Variants in RALY observed in about 807,000 individuals in gnomAD.
RALY encodes the protein RALY heterogeneous nuclear ribonucleoprotein.
Under a neutral mutation model 30.7 loss-of-function variants are expected in RALY, and 15 were observed. The observed-to-expected ratio is 0.49, with a 90% confidence interval of 0.33 to 0.75. RALY has a LOEUF of 0.75. Ranked by LOEUF, RALY falls within the 30% of genes least tolerant of loss-of-function variation. RALY has a pLI of 0.02. For missense variants in RALY, 339 were observed against 414.3 expected, an observed-to-expected ratio of 0.82 and a Z score of 1.58; for synonymous variants, 177 against 170.8, an observed-to-expected ratio of 1.04 and a Z score of -0.28.
chr20:34,077,546 C>T lies in RALY; in HGVS notation c.876+301C>T, dbSNP rs1003863529. 2.2e-4 allele frequency: 111 copies of T among 503,736 alleles called. 1 individual carries two copies. The highest frequency in any genetic ancestry group is 3.2e-4 in the Non-Finnish European group (92 of 283,290). 31.2% of individuals were successfully genotyped at this position (503,736 alleles called of 1,614,324 possible). ...AGATTCGGACATAAGGGAGCACACA[C>T]GGCCTGCAGAGCTTCAGAGCAGGGC... is the stretch of plus-strand genomic sequence containing the variant. On this transcript the variant is annotated intron_variant, in intron 8 of 9. Transcript: ENST00000246194.
chr20:34,052,112 G>A (rs1364888631), intron 2 of RALY, among the ~76,000 whole-genome samples: 1 of 152,088 alleles, frequency 6.6e-6, no homozygotes, highest in Non-Finnish European at 1.5e-5. Flanking sequence ...TCCTCAAATT[G>A]TGTCTTCCTC....
At chr20:34,061,093 G>T (rs1202073231) in intron 2 of RALY, among the ~76,000 whole-genome samples, 1 of 152,174 alleles carries the variant, frequency 6.6e-6, no homozygotes, top group Non-Finnish European at 1.5e-5. Context: ...TGACCTTCCT[G>T]GCTGGTTTCC....
chr20:34,020,078 G>C (rs2031761940), intron 1 of RALY, among the ~76,000 whole-genome samples: 1 of 152,142 alleles, frequency 6.6e-6, no homozygotes. Flanking sequence ...AAGGAAGCTT[G>C]AGTGCCCACT....
At chr20:34,064,251 C>T (rs764416732) in intron 2 of RALY, among the ~76,000 whole-genome samples, 2 of 152,072 alleles carry the variant, frequency 1.3e-5, no homozygotes, top group African/African-American at 2.4e-5. Flanking sequence ...GGGAGCTTGT[C>T]GCAGATGGTA....
In RALY at chr20:34,072,014, G is replaced by A. The variant is rs539692797; in HGVS notation, c.-9-52G>A. 161 of 1,589,314 alleles carry A rather than the reference G, an allele frequency of 1.0e-4. 1 individual carries two copies. Among genetic ancestry groups the A allele is most frequent in the Middle Eastern group, 8.5e-4 (5 of 5,908 alleles). On this transcript the variant is annotated intron_variant, in intron 2 of 9. Transcript: ENST00000246194. ...TTATCCAGGATATGGGCCGTGGGCAGTCCTTGAGCCCAGCCCAGGGACCCA... is the reference window on the plus strand; with the variant it reads ...TTATCCAGGATATGGGCCGTGGGCAATCCTTGAGCCCAGCCCAGGGACCCA...
chr20:34,052,309 T>G (rs1425832500), intron 2 of RALY, among the ~76,000 whole-genome samples: 1 of 152,208 alleles, frequency 6.6e-6, no homozygotes, highest in Non-Finnish European at 1.5e-5. Flanking sequence ...CATTAACATC[T>G]TGAGGAACCC....
At chr20:34,050,531 A>G (rs1418229068) in intron 2 of RALY, among the ~76,000 whole-genome samples, 1 of 152,216 alleles carries the variant, frequency 6.6e-6, no homozygotes, top group Non-Finnish European at 1.5e-5. Context: ...TGAGGATGTG[A>G]TATCAGGCAG....
At chr20:34,014,220 T>C (rs1349587742) in intron 1 of RALY, among the ~76,000 whole-genome samples, 2 of 152,148 alleles carry the variant, frequency 1.3e-5, no homozygotes, top group African/African-American at 4.8e-5. Context: ...CCCCAGCCTT[T>C]TGAGAACGGG....
At chr20:34,009,430 G>A (rs1361869552) in intron 1 of RALY, among the ~76,000 whole-genome samples, 1 of 151,998 alleles carries the variant, frequency 6.6e-6, no homozygotes, top group Non-Finnish European at 1.5e-5. Flanking sequence ...TAGAGACAGA[G>A]TTTCACCAAT....
rs79667969 is a variant in RALY at position 34,046,069 on chromosome 20, A to G, written c.-10+14465A>G. On this transcript the variant is annotated intron_variant, in intron 2 of 9. Transcript: ENST00000246194. Reference sequence around the variant, plus strand: ...TTTAGCTTTTTGTTTGGTCTTTGTCATGTGAATTTACTGTTTGATTCAGGC... The same window carrying G: ...TTTAGCTTTTTGTTTGGTCTTTGTCGTGTGAATTTACTGTTTGATTCAGGC... 9.2e-3 allele frequency among the ~76,000 whole-genome samples: 1,397 copies of G among 152,294 alleles called. 21 individuals carry two copies. The highest frequency in any genetic ancestry group is 0.032 in the African/African-American group (1,333 of 41,566).
At chr20:34,077,631 T>A (rs1601517819) in intron 8 of RALY, 1 of 326,656 alleles carries the variant, frequency 3.1e-6, no homozygotes, top group East Asian at 9.0e-5. Flanking sequence ...CATTGCTGCT[T>A]AAGCATGAAG....
At chr20:34,055,598 TCA>T (rs1399557282) in intron 2 of RALY, among the ~76,000 whole-genome samples, 2 of 152,186 alleles carry the variant, frequency 1.3e-5, no homozygotes, top group East Asian at 3.9e-4. Context: ...GTCCAGGAAT[TCA>T]CAGTCAGTCT....
At chr20:34,022,823 T>A (rs1267659915) in intron 1 of RALY, among the ~76,000 whole-genome samples, 1 of 152,224 alleles carries the variant, frequency 6.6e-6, no homozygotes, top group African/African-American at 2.4e-5. Flanking sequence ...CTTCAGCCAC[T>A]TTTTGGGACT....
intron 2 of RALY, among the ~76,000 whole-genome samples, chr20:34,069,741 G>GTTACT (rs1490457266): frequency 2.0e-5 from 3 of 152,196 alleles, no homozygotes; most frequent in Non-Finnish European, 4.4e-5. Context: ...TGCACAGTGT[G>GTTACT]TTACTACCTT....
chr20:34,041,749 A>G (rs953840892), intron 2 of RALY, among the ~76,000 whole-genome samples: 1 of 152,172 alleles, frequency 6.6e-6, no homozygotes, highest in Non-Finnish European at 1.5e-5. Flanking sequence ...GTGGGAAGGG[A>G]CCTTAATTGA....
chr20:34,048,229 T>C (rs1251461341), intron 2 of RALY, among the ~76,000 whole-genome samples: 1 of 152,232 alleles, frequency 6.6e-6, no homozygotes, highest in Non-Finnish European at 1.5e-5. Flanking sequence ...CGATTTATTC[T>C]TGGCACTTCA....
intron 2 of RALY, among the ~76,000 whole-genome samples, chr20:34,055,580 T>G (rs146259427): frequency 6.6e-6 from 1 of 152,238 alleles, no homozygotes; most frequent in Non-Finnish European, 1.5e-5. Flanking sequence ...TAGATTGTGG[T>G]CCCTGCTGTC....
At chr20:34,001,398 T>C (rs369637814) in intron 1 of RALY, among the ~76,000 whole-genome samples, 49 of 152,318 alleles carry the variant, frequency 3.2e-4, no homozygotes, top group African/African-American at 1.2e-3. Context: ...TGAAGTGCCA[T>C]CTGTAGAGAC....
Position 34,041,646 on chromosome 20 carries a change from A to C in RALY, c.-10+10042A>C, listed in dbSNP as rs1014091373. On this transcript the variant is annotated intron_variant, in intron 2 of 9. Transcript: ENST00000246194. Reference sequence around the variant, plus strand: ...TTATTTCAACCCCTTATAGGGTGTTATTTTTAGGCACAGGGTGATAGGAGA... The same window carrying C: ...TTATTTCAACCCCTTATAGGGTGTTCTTTTTAGGCACAGGGTGATAGGAGA... Among the ~76,000 whole-genome samples the C allele has an allele frequency of 5.9e-5, 9 of 152,292 alleles. No homozygotes were observed. In the East Asian group the frequency reaches 1.7e-3, roughly 29 times the overall value.
Sources: gnomAD v4.1 joint callset for allele counts (sites outside exome capture counted in the v4.1 genomes callset) on GRCh38, gnomAD v4.1.1 for gene constraint, MANE v1.5 for transcripts, NCBI Gene and HGNC (gene_info 2026-07-23, HGNC 2026-07-21) for gene names.